MTCH1: variants seen among roughly 807,000 people sequenced by gnomAD.
The protein encoded by MTCH1 is mitochondrial carrier 1.
MTCH1 carries 23 observed loss-of-function variants against 49.3 expected under a neutral mutation model. The ratio of observed to expected loss-of-function variants is 0.47; its 90% CI spans 0.34 to 0.66. The LOEUF (loss-of-function observed/expected upper bound fraction) is 0.66. MTCH1 is among the 30% of genes least tolerant of loss of function. MTCH1 has a pLI of 0.01. For missense variants in MTCH1, 397 were observed against 532.1 expected, an observed-to-expected ratio of 0.75 and a Z score of 2.50; for synonymous variants, 229 against 215.2, an observed-to-expected ratio of 1.06 and a Z score of -0.56.
At chr6:36,983,868 C>T (rs1172108299) in intron 1 of MTCH1, among the ~76,000 whole-genome samples, 1 of 152,140 alleles carries the variant, frequency 6.6e-6, no homozygotes, top group African/African-American at 2.4e-5. Flanking sequence ...GAAGATCTTA[C>T]CCTAATATAT....
Position 36,977,186 on chromosome 6 carries a change from AAG to A in MTCH1, c.701+11_701+12del. 2 of 1,613,748 alleles carry A rather than the reference AAG, an allele frequency of 1.2e-6. No individual in the cohort carries two copies. The highest frequency in any genetic ancestry group is 1.7e-6 in the Non-Finnish European group (2 of 1,179,822). On this transcript the variant is annotated intron_variant, in intron 6 of 11. Transcript: ENST00000373627. The surrounding 1 kb of genome is among the most constrained non-coding windows in gnomAD (Gnocchi z 5.4). ...GTAACAGGGCCACTCTGCCAGTCCC[AAG>A]AGTTACCCACCTGTACTTGGCCTCC...
rs1030941849 is a variant in MTCH1 at position 36,969,629 on chromosome 6, C to T, written c.1098+410G>A. 57 of 1,188,274 alleles carry T rather than the reference C, an allele frequency of 4.8e-5. No homozygotes were observed. In the East Asian group the frequency reaches 1.6e-3, roughly 34 times the overall value. 73.6% of individuals were successfully genotyped at this position (1,188,274 alleles called of 1,614,324 possible). A position where few individuals can be genotyped will look rare whatever the true frequency, so the allele number is the denominator to read the frequency against. On this transcript the variant is annotated intron_variant, in intron 11 of 11. Transcript: ENST00000373627. ...GGAATGTCCTGCAGGAGGGAGGAGT[C>T]GGTTTCCAATGCCAGCCGCCCTAAC...
chr6:36,985,536 A>C (rs1764268800), intron 1 of MTCH1, among the ~76,000 whole-genome samples: 1 of 149,126 alleles, frequency 6.7e-6, no homozygotes, highest in Admixed American at 6.7e-5. Context: ...CCACTCCTTT[A>C]TCTCCCAAAT....
rs1764094308 is a variant in MTCH1, at chr6:36,981,594, T to C, written c.400A>G (p.Thr134Ala). 2 of 1,613,768 alleles carry C rather than the reference T, an allele frequency of 1.2e-6. No homozygotes were observed. Among genetic ancestry groups the C allele is most frequent in the African/African-American group, 1.3e-5 (1 of 74,910 alleles). ...GCTTGGGAGGCACACTCACCGTAGG[T>C]GAAGAAGCTCGGCAGATAGAGGACC... is the stretch of plus-strand genomic sequence containing the variant. ...RKVLYLPSFF[T>A]YAKYIVQVDG... Residue 134 changes from threonine to alanine, a missense_variant, in exon 2 of 12, where the codon ACC (threonine) becomes GCC (alanine). Coordinates refer to ENST00000373627, the MANE Select transcript of MTCH1 (RefSeq NM_001271641.2).
intron 8 of MTCH1, among the ~76,000 whole-genome samples, chr6:36,971,589 A>G (rs778007549): frequency 1.3e-5 from 2 of 151,978 alleles, no homozygotes; most frequent in Non-Finnish European, 2.9e-5. Context: ...GCTTACATCG[A>G]AAGGCCAGTG....
chr6:36,980,202 G>A (rs1764036961), intron 2 of MTCH1, among the ~76,000 whole-genome samples: 1 of 152,196 alleles, frequency 6.6e-6, no homozygotes, highest in Non-Finnish European at 1.5e-5. Context: ...AAACCAGGCT[G>A]GGGGCACACC....
chr6:36,978,401 G>T, intron 3 of MTCH1, 104 bp downstream of exon 3: 1 of 1,202,058 alleles, frequency 8.3e-7, no homozygotes, highest in Non-Finnish European at 1.2e-6. Flanking sequence ...AGCCCCCAAT[G>T]GTCTGGGAAG....
At position 36,970,508 on chromosome 6, in the gene MTCH1, A is replaced by C. The variant is rs779399221; in HGVS notation, c.955-35T>G. On this transcript the variant is annotated intron_variant, in intron 9 of 11. Transcript: ENST00000373627. Reference sequence around the variant, plus strand: ...AGAGAGGCCTGAGTGCCAGTGACCCACCCCGGCCCAGGGAGCAGGGACACA... The same window carrying C: ...AGAGAGGCCTGAGTGCCAGTGACCCCCCCCGGCCCAGGGAGCAGGGACACA... 11 of 1,612,262 alleles carry C rather than the reference A, an allele frequency of 6.8e-6. No homozygotes were observed. The Admixed American group carries it at 1.7e-4, about 24-fold the overall frequency.
intron 2 of MTCH1, among the ~76,000 whole-genome samples, chr6:36,978,875 C>CCTCCTTT (rs1491325260): frequency 1.0e-5 from 1 of 100,420 alleles, no homozygotes; most frequent in Non-Finnish European, 1.9e-5. Flanking sequence ...TCCCTCCCTC[C>CCTCCTTT]TTTTTTTTTT....
rs958939136 is a variant in MTCH1, at chr6:36,977,043, T to C, written c.701+156A>G. 1.3e-5 allele frequency among the ~76,000 whole-genome samples: 2 copies of C among 152,158 alleles called. No homozygotes were observed. The highest frequency in any genetic ancestry group is 2.1e-4 in the South Asian group (1 of 4,824). ...AGAGAAAATGACCCTGGACAGACTA[T>C]TGAAGCCACTGCCACATTCCTCAGA... On this transcript the variant is annotated intron_variant, in intron 6 of 11. Coordinates refer to ENST00000373627, the MANE Select transcript of MTCH1 (RefSeq NM_001271641.2). This position sits in a 1 kb window ranked among gnomAD's most constrained non-coding sequence, Gnocchi z 5.4.
intron 4 of MTCH1, 32 bp downstream of exon 4, chr6:36,978,046 G>A (rs761254637): frequency 3.2e-6 from 5 of 1,563,448 alleles, no homozygotes; most frequent in African/African-American, 2.7e-5. Flanking sequence ...TCCCCTCCAC[G>A]CACCTCTCCC....
rs1483713370 is a variant in MTCH1, at chr6:36,975,653, C to T, written c.761+5G>A. 11 of 1,613,896 alleles carry T rather than the reference C, an allele frequency of 6.8e-6. No homozygotes were observed. Among genetic ancestry groups the T allele is most frequent in the Non-Finnish European group, 9.3e-6 (11 of 1,179,806 alleles). ...GCCAGTTATGGGGTGTATAAACTCA[C>T]GTACACGAAGAATCCCAGCAGCCCT... is the stretch of plus-strand genomic sequence containing the variant. On this transcript the variant is annotated splice_donor_5th_base_variant and intron_variant, in intron 7 of 11. Coordinates refer to ENST00000373627, the MANE Select transcript of MTCH1 (RefSeq NM_001271641.2).
intron 1 of MTCH1, among the ~76,000 whole-genome samples, chr6:36,981,993 G>A (rs1764115031): frequency 1.3e-5 from 2 of 152,130 alleles, no homozygotes; most frequent in South Asian, 4.2e-4. Context: ...TGTATGTACT[G>A]CAAACCCTAC....
chr6:36,985,615 G>A (rs3798475), intron 1 of MTCH1, among the ~76,000 whole-genome samples: 21,925 of 151,522 alleles, frequency 0.14, 1,807 homozygotes, highest in Admixed American at 0.21. Flanking sequence ...ACCCTCTCCC[G>A]TATCTGTTAT....
At chr6:36,970,318 G>A in intron 10 of MTCH1, 88 bp downstream of exon 10, 3 of 1,542,090 alleles carry the variant, frequency 1.9e-6, no homozygotes, top group Non-Finnish European at 2.7e-6. Flanking sequence ...GCAGGTGGGA[G>A]GGGGCAGAGT....
In MTCH1 at chr6:36,977,662, C is replaced by A. The variant is rs1202852536; in HGVS notation, c.621G>T (p.Val207=). ...GCAGGGGGTGGGCCAACATGCGGGA[C>A]ACACACTGCATCATCATCTCGTAGG... is the stretch of plus-strand genomic sequence containing the variant. ...ETSYEMMMQC[V]SRMLAHPLHV... is the part of the protein sequence containing the mutation. Residue 207 remains valine (V), a synonymous_variant, in exon 5 of 12, where the codon GTG becomes GTT. Coordinates refer to ENST00000373627, the MANE Select transcript of MTCH1 (RefSeq NM_001271641.2). This position sits in a 1 kb window ranked among gnomAD's most constrained non-coding sequence, Gnocchi z 5.4. The A allele has an allele frequency of 1.9e-6, 3 of 1,610,834 alleles. No homozygotes were observed. The highest frequency in any genetic ancestry group is 2.5e-6 in the Non-Finnish European group (3 of 1,178,636).
In MTCH1 at chr6:36,974,628, A is replaced by G. The variant is rs578203918; in HGVS notation, c.761+1030T>C. Among the ~76,000 whole-genome samples, 12 of 152,294 alleles carry G rather than the reference A, an allele frequency of 7.9e-5. 1 individual carries two copies. In the South Asian group the frequency reaches 2.5e-3, roughly 32 times the overall value. On this transcript the variant is annotated intron_variant, in intron 7 of 11. Transcript: ENST00000373627. ...CCACTAGATGCCAGTTGTGACAACC[A>G]CAAGATGTCTCCGGACACTGCCGAT...
intron 9 of MTCH1, 44 bp downstream of exon 9, chr6:36,970,603 G>C (rs909161484): frequency 6.2e-7 from 1 of 1,613,270 alleles, no homozygotes; most frequent in African/African-American, 1.3e-5. Context: ...GCCCCGCTTG[G>C]GTCCGCAAGG....
chr6:36,986,127 G>A lies in MTCH1; in HGVS notation c.47C>T (p.Ala16Val), dbSNP rs202185562. The A allele has an allele frequency of 0.016, 23,616 of 1,436,276 alleles. 230 individuals carry two copies. The highest frequency in any genetic ancestry group is 0.019 in the Non-Finnish European group (20,858 of 1,104,060). 89.0% of individuals were successfully genotyped at this position (1,436,276 alleles called of 1,614,324 possible). ...AGCTCCGGCTCCCGCCATCCCCGCG[G>A]CACCGCCGCGAGCCCAGGGCGCCAC... ...PEVAPWARGG[A>V]AGMAGAGAGA... Residue 16 changes from alanine to valine, a missense_variant, in exon 1 of 12, where the codon GCC becomes GTC. By Grantham distance (64) the Ala-to-Val change is moderately conservative. Transcript: ENST00000373627.
Sources: gnomAD v4.1 joint callset for allele counts (sites outside exome capture counted in the v4.1 genomes callset) on GRCh38, gnomAD v4.1.1 for gene constraint, Gnocchi (gnomAD v3.1) non-coding constraint, MANE v1.5 for transcripts, NCBI Gene and HGNC (gene_info 2026-07-23, HGNC 2026-07-21) for gene names.